Variants in CCDC171 observed in about 807,000 individuals in gnomAD.
CCDC171 encodes coiled-coil domain-containing protein 171.
A neutral mutation model predicts 168.2 loss-of-function variants in CCDC171; 177 were observed. That is an observed-to-expected ratio of 1.05 (90% CI 0.93 to 1.19). The LOEUF is 1.19. Among genes scored for constraint, CCDC171 ranks in the 50% most tolerant of loss-of-function variants. CCDC171 has a pLI of 0.00. For synonymous variants in CCDC171, 687 were observed against 540.8 expected (o/e 1.27, Z -3.75); for missense variants, 1,991 against 1,539.0 (o/e 1.29, Z -4.91).
At chr9:15,676,964 G>A (rs561110158) in intron 9 of CCDC171, among the ~76,000 whole-genome samples, 8 of 152,192 alleles carry the variant, frequency 5.3e-5, no homozygotes, top group African/African-American at 1.9e-4. Context: ...AATAATACGT[G>A]TGTTTCCATA....
chr9:16,069,249 T>G, the CCDC171 span, among the ~76,000 whole-genome samples: 81 of 152,340 alleles, frequency 5.3e-4, no homozygotes, highest in African/African-American at 1.8e-3. Flanking sequence ...TTGGTATATG[T>G]GTAATGTGTG....
chr9:16,093,108 C>T, the CCDC171 span, among the ~76,000 whole-genome samples: 1 of 152,216 alleles, frequency 6.6e-6, no homozygotes, highest in Non-Finnish European at 1.5e-5. Flanking sequence ...CCAGACACAA[C>T]ACACCCAGGC....
At chr9:15,878,118 CA>C (rs1818104678) in intron 24 of CCDC171, among the ~76,000 whole-genome samples, 1 of 151,976 alleles carries the variant, frequency 6.6e-6, no homozygotes, top group Non-Finnish European at 1.5e-5. Context: ...ACAAAGACAA[CA>C]AATGACAAAT....
intron 25 of CCDC171, among the ~76,000 whole-genome samples, chr9:15,943,492 T>C (rs908109218): frequency 3.3e-5 from 5 of 151,986 alleles, no homozygotes; most frequent in Non-Finnish European, 7.4e-5. Flanking sequence ...TTAATACTTG[T>C]ATATTTAGAA....
intron 16 of CCDC171, among the ~76,000 whole-genome samples, chr9:15,743,252 A>G (rs1000145653): frequency 7.1e-6 from 1 of 139,900 alleles, no homozygotes; most frequent in East Asian, 2.1e-4. Flanking sequence ...TGCAGCCTCA[A>G]CCTCCTGGAT....
chr9:15,932,545 C>A (rs1165509470), intron 25 of CCDC171, among the ~76,000 whole-genome samples: 1 of 151,762 alleles, frequency 6.6e-6, no homozygotes, highest in Non-Finnish European at 1.5e-5. Flanking sequence ...TAAGATTATG[C>A]TTTCTGCAAA....
At chr9:15,733,948 A>T (rs1212740444) in intron 16 of CCDC171, among the ~76,000 whole-genome samples, 1 of 151,922 alleles carries the variant, frequency 6.6e-6, no homozygotes, top group African/African-American at 2.4e-5. Flanking sequence ...TATTTTTAAA[A>T]TTTTTTTGTA....
the CCDC171 span, among the ~76,000 whole-genome samples, chr9:16,096,327 A>G: frequency 2.0e-5 from 3 of 152,338 alleles, no homozygotes; most frequent in East Asian, 3.9e-4. Context: ...GTAAGTCTGC[A>G]TAAAGGACAA....
the CCDC171 span, among the ~76,000 whole-genome samples, chr9:16,090,503 C>T: frequency 1.8e-4 from 27 of 152,198 alleles, no homozygotes; most frequent in Non-Finnish European, 3.4e-4. Context: ...CACCATGGCA[C>T]GTGTATACCC....
intron 7 of CCDC171, among the ~76,000 whole-genome samples, chr9:15,643,363 T>G (rs1329793348): frequency 6.6e-6 from 1 of 152,156 alleles, no homozygotes; most frequent in Non-Finnish European, 1.5e-5. Flanking sequence ...TAATGCTCAT[T>G]CTGGTGTGGG....
chr9:15,985,544 A>G (rs1289727386), intron 3 of CCDC171, among the ~76,000 whole-genome samples: 2 of 152,206 alleles, frequency 1.3e-5, no homozygotes, highest in Non-Finnish European at 2.9e-5. Flanking sequence ...ACACTACCTT[A>G]CAGACAAGGA....
chr9:15,692,457 G>T (rs1190732024), intron 10 of CCDC171, among the ~76,000 whole-genome samples: 4 of 151,252 alleles, frequency 2.6e-5, no homozygotes, highest in African/African-American at 2.4e-5. Context: ...GATAGAAAAA[G>T]GTTCTACAAT....
intron 8 of CCDC171, among the ~76,000 whole-genome samples, chr9:15,665,042 T>C (rs1028017483): frequency 6.6e-6 from 1 of 152,142 alleles, no homozygotes; most frequent in Non-Finnish European, 1.5e-5. Flanking sequence ...CACATACCCA[T>C]CGCCCAGCTT....
chr9:15,918,975 A>G (rs1824937564), intron 24 of CCDC171, among the ~76,000 whole-genome samples: 1 of 151,684 alleles, frequency 6.6e-6, no homozygotes, highest in African/African-American at 2.4e-5. Flanking sequence ...CTATCCCTGA[A>G]GCTCCAAATA....
intron 3 of CCDC171, among the ~76,000 whole-genome samples, chr9:16,012,313 C>G (rs183216294): frequency 6.6e-6 from 1 of 152,178 alleles, no homozygotes; most frequent in Admixed American, 6.5e-5. Flanking sequence ...AGGGATCTAT[C>G]TGGGCACGGT....
At chr9:16,018,159 A>G (rs185782651) in intron 3 of CCDC171, among the ~76,000 whole-genome samples, 135 of 152,278 alleles carry the variant, frequency 8.9e-4, no homozygotes, top group African/African-American at 3.0e-3. Context: ...ATATCCACCC[A>G]TGTGTTTGTG....
At chr9:15,559,014 T>C (rs948356879) in intron 1 of CCDC171, among the ~76,000 whole-genome samples, 4 of 152,170 alleles carry the variant, frequency 2.6e-5, no homozygotes, top group African/African-American at 9.6e-5. Context: ...CAGGAGCAGG[T>C]TGTTCAGTTT....
chr9:15,826,081 CGTA>C (rs1563817593), intron 21 of CCDC171, among the ~76,000 whole-genome samples: 1 of 151,780 alleles, frequency 6.6e-6, no homozygotes, highest in African/African-American at 2.4e-5. Flanking sequence ...TTTATATTCT[CGTA>C]GTTTCTCTTC....
intron 25 of CCDC171, among the ~76,000 whole-genome samples, chr9:15,929,944 CAGA>C (rs1826316983): frequency 6.6e-6 from 1 of 151,724 alleles, no homozygotes; most frequent in South Asian, 2.1e-4. Flanking sequence ...GTTCAATTGG[CAGA>C]AGAAGTAAGA....
Sources: gnomAD v4.1 joint callset for allele counts (sites outside exome capture counted in the v4.1 genomes callset) on GRCh38, gnomAD v4.1.1 for gene constraint, MANE v1.5 for transcripts, NCBI Gene and HGNC (gene_info 2026-07-23, HGNC 2026-07-21) for gene names.